The following DLG1 variants were observed in gnomAD, a reference collection of about 807,000 sequenced individuals.
The protein encoded by DLG1 is disks large homolog 1.
A neutral mutation model predicts 123.4 loss-of-function variants in DLG1; 42 were observed. The ratio of observed to expected loss-of-function variants is 0.34; its 90% confidence interval spans 0.27 to 0.44. The LOEUF is 0.44. Ranked by LOEUF, DLG1 falls within the 20% of genes least tolerant of loss-of-function variation. The pLI is 1.00. For missense variants in DLG1, 942 were observed against 1,082.6 expected, an observed-to-expected ratio of 0.87 and a Z score of 1.82; for synonymous variants, 317 against 356.2, an observed-to-expected ratio of 0.89 and a Z score of 1.24.
chr3:197,046,560 G>T lies in DLG1; in HGVS notation c.2576-1831C>A, dbSNP rs116104378. ...AACATCAGATAAATCCAAATTGAGG[G>T]AGGGACATTTTATAAAAGAATGGGT... is the stretch of plus-strand genomic sequence containing the variant. On this transcript the variant is annotated intron_variant, in intron 24 of 24. Coordinates refer to ENST00000667157, the MANE Select transcript of DLG1 (RefSeq NM_001366207.1). 7.7e-3 allele frequency among the ~76,000 whole-genome samples: 1,177 copies of T among 152,248 alleles called. 14 individuals are homozygous for T. Among genetic ancestry groups the T allele is most frequent in the African/African-American group, 0.027 (1,121 of 41,532 alleles).
intron 11 of DLG1, among the ~76,000 whole-genome samples, chr3:197,126,204 G>A (rs915277181): frequency 1.6e-4 from 25 of 152,070 alleles, no homozygotes; most frequent in Admixed American, 1.4e-3. Context: ...AGCTGGGCTC[G>A]GTGGCTCATG....
intron 4 of DLG1, among the ~76,000 whole-genome samples, chr3:197,199,501 C>CCAA: frequency 6.6e-6 from 1 of 152,286 alleles, no homozygotes; most frequent in East Asian, 1.9e-4. Context: ...CAACATATCT[C>CCAA]ATTATGTATA....
intron 6 of DLG1, among the ~76,000 whole-genome samples, chr3:197,145,285 A>G (rs914570294): frequency 3.9e-5 from 6 of 152,238 alleles, no homozygotes; most frequent in African/African-American, 1.4e-4. Flanking sequence ...CTAAAAGTCT[A>G]TCAGTCTTTA....
In DLG1 at chr3:197,066,777, A is replaced by C. The variant is rs754749974; in HGVS notation, c.2048-23T>G. 3 of 1,520,468 alleles carry C rather than the reference A, an allele frequency of 2.0e-6. No individual in the cohort carries two copies. In the South Asian group the frequency reaches 3.5e-5, roughly 18 times the overall value. The allele number at this position is 1,520,468 out of a possible 1,614,324, so 94.2% of individuals were successfully genotyped here. A position where few individuals can be genotyped will look rare whatever the true frequency, so the allele number is the denominator to read the frequency against. ...CACCTATTAGAAAGTGAAGGCACAG[A>C]TGAAAAATGTGTAAAGATAATTGAT... On this transcript the variant is annotated intron_variant, in intron 19 of 24. Coordinates refer to ENST00000667157, the MANE Select transcript of DLG1 (RefSeq NM_001366207.1).
chr3:197,298,017 G>T, intron 1 of DLG1: 2 of 783,708 alleles, frequency 2.6e-6, no homozygotes, highest in Non-Finnish European at 3.1e-6. Context: ...CGCTCGCCGC[G>T]GCCCCCCGGC....
At chr3:197,197,734 C>T (rs1406119271) in intron 4 of DLG1, among the ~76,000 whole-genome samples, 2 of 152,130 alleles carry the variant, frequency 1.3e-5, no homozygotes, top group Admixed American at 1.3e-4. Flanking sequence ...GCTCACACCT[C>T]CTGATTTTGA....
At position 197,282,856 on chromosome 3, in the gene DLG1, G is replaced by A. The variant is rs190011267; in HGVS notation, c.152-11C>T. On this transcript the variant is annotated splice_polypyrimidine_tract_variant and intron_variant, in intron 3 of 24. Transcript: ENST00000667157. ...AAAATTCTTGAATATCTAGAAGAAGGAAAATAAAAATTCATAAGTATTTAT... is the reference window on the plus strand; with the variant it reads ...AAAATTCTTGAATATCTAGAAGAAGAAAAATAAAAATTCATAAGTATTTAT... The A allele has an allele frequency of 2.3e-5, 33 of 1,457,560 alleles. No individual in the cohort carries two copies. The Admixed American group carries it at 6.9e-4, about 31-fold the overall frequency. The allele number at this position is 1,457,560 out of a possible 1,614,324, so 90.3% of individuals were successfully genotyped here. A position where few individuals can be genotyped will look rare whatever the true frequency, so the allele number is the denominator to read the frequency against.
chr3:197,207,869 A>G (rs1390994556), intron 4 of DLG1, among the ~76,000 whole-genome samples: 3 of 146,000 alleles, frequency 2.1e-5, no homozygotes, highest in Non-Finnish European at 4.6e-5. Context: ...TTCTAGAGAA[A>G]TTCTTTTATA....
chr3:197,073,248 G>C (rs1745176971), intron 18 of DLG1, among the ~76,000 whole-genome samples: 1 of 152,170 alleles, frequency 6.6e-6, no homozygotes, highest in Non-Finnish European at 1.5e-5. Context: ...AGAAAGAAAA[G>C]ACATATGTAA....
chr3:197,222,805 A>G (rs1240073647), intron 4 of DLG1, among the ~76,000 whole-genome samples: 1 of 152,198 alleles, frequency 6.6e-6, no homozygotes, highest in African/African-American at 2.4e-5. Flanking sequence ...TCTCACTTCA[A>G]TTACTGCTGT....
intron 4 of DLG1, among the ~76,000 whole-genome samples, chr3:197,275,477 C>T (rs894693714): frequency 6.6e-6 from 1 of 152,090 alleles, no homozygotes; most frequent in African/African-American, 2.4e-5. Context: ...ACCACTGCCA[C>T]GATAGGGAAT....
At chr3:197,200,844 A>G (rs577128700) in intron 4 of DLG1, among the ~76,000 whole-genome samples, 5 of 152,162 alleles carry the variant, frequency 3.3e-5, no homozygotes, top group African/African-American at 1.2e-4. Flanking sequence ...TCAACAAAAA[A>G]AAGACCATAT....
At chr3:197,172,994 C>T (rs1263978185) in intron 5 of DLG1, among the ~76,000 whole-genome samples, 1 of 152,120 alleles carries the variant, frequency 6.6e-6, no homozygotes, top group Admixed American at 6.6e-5. Flanking sequence ...CTAATTTCAG[C>T]TTGGGTCCTT....
At chr3:197,077,136 T>G (rs889864557) in intron 17 of DLG1, among the ~76,000 whole-genome samples, 1 of 152,108 alleles carries the variant, frequency 6.6e-6, no homozygotes, top group African/African-American at 2.4e-5. Flanking sequence ...ATCTCTTTTT[T>G]TGTGGCTACG....
At chr3:197,257,980 A>G (rs1757594395) in intron 4 of DLG1, among the ~76,000 whole-genome samples, 1 of 152,204 alleles carries the variant, frequency 6.6e-6, no homozygotes, top group Non-Finnish European at 1.5e-5. Flanking sequence ...TTACAAACAC[A>G]AAAATAAATC....
rs181002925 is a variant in DLG1, at chr3:197,274,258, C to T, written c.318+8421G>A. On this transcript the variant is annotated intron_variant, in intron 4 of 24. Transcript: ENST00000667157. ...TGATGTAAAAACACACACAGACCAACGGAACACAACAGAGAACACAGAAAT... is the reference window on the plus strand; with the variant it reads ...TGATGTAAAAACACACACAGACCAATGGAACACAACAGAGAACACAGAAAT... Among the ~76,000 whole-genome samples, 24 of 152,252 alleles carry T rather than the reference C, an allele frequency of 1.6e-4. No individual in the cohort carries two copies. In the South Asian group the frequency reaches 2.3e-3, roughly 14 times the overall value.
chr3:197,048,269 G>A (rs540907881), intron 24 of DLG1, among the ~76,000 whole-genome samples: 1 of 152,272 alleles, frequency 6.6e-6, no homozygotes, highest in African/African-American at 2.4e-5. Flanking sequence ...CCAGGAGTTT[G>A]AGACCAGTCT....
chr3:197,145,118 C>G (rs554935201), intron 6 of DLG1, among the ~76,000 whole-genome samples: 1 of 151,964 alleles, frequency 6.6e-6, no homozygotes, highest in African/African-American at 2.4e-5. Context: ...GGAGTAACTT[C>G]AAGAGCTGTG....
At chr3:197,129,575 T>G (rs1287822785) in intron 11 of DLG1, among the ~76,000 whole-genome samples, 1 of 152,234 alleles carries the variant, frequency 6.6e-6, no homozygotes, top group African/African-American at 2.4e-5. Context: ...CAAGAACTTT[T>G]CCTTGGCATT....
Sources: allele counts gnomAD v4.1 joint callset (sites outside exome capture counted in the v4.1 genomes callset), GRCh38; gene constraint gnomAD v4.1.1; transcripts MANE v1.5; gene names NCBI Gene and HGNC (gene_info 2026-07-23, HGNC 2026-07-21).